CDK5RAP2: variants seen among roughly 807,000 people sequenced by gnomAD.
CDK5RAP2 encodes the protein CDK5 regulatory subunit-associated protein 2.
In CDK5RAP2, 147 loss-of-function variants were observed where a neutral mutation model predicts 232.9. The ratio of observed to expected loss-of-function variants is 0.63; its 90% confidence interval spans 0.55 to 0.72. CDK5RAP2 has a LOEUF of 0.72. Ranked by LOEUF, CDK5RAP2 falls within the 30% of genes least tolerant of loss-of-function variation. The probability of loss-of-function intolerance (pLI) is 0.00; values close to 1 mark genes in which losing one functional copy is unlikely to be tolerated. For missense variants in CDK5RAP2, 2,195 were observed against 2,231.5 expected (o/e 0.98, Z 0.33); for synonymous variants, 833 against 833.7 (o/e 1.00, Z 0.01).
rs112894070 is a variant in CDK5RAP2, at chr9:120,577,046, C to T, written c.59+2874G>A. Among the ~76,000 whole-genome samples, 625 of 152,200 alleles carry T rather than the reference C, an allele frequency of 4.1e-3. 4 individuals carry two copies. The highest frequency in any genetic ancestry group is 0.014 in the African/African-American group (564 of 41,526). On this transcript the variant is annotated intron_variant, in intron 1 of 37. Coordinates refer to ENST00000349780, the MANE Select transcript of CDK5RAP2 (RefSeq NM_018249.6). ...CAAATAGTGTATGATTCTACTTATA[C>T]GCGACACTTAGAGTAGTCAAAATCA...
intron 21 of CDK5RAP2, among the ~76,000 whole-genome samples, chr9:120,452,581 C>A (rs1391994119): frequency 1.3e-5 from 2 of 151,776 alleles, no homozygotes; most frequent in Admixed American, 1.3e-4. Context: ...TATAGGGATT[C>A]TTGGCCGTGG....
Position 120,507,264 on chromosome 9 carries a change from C to T in CDK5RAP2, c.1311+11163G>A, listed in dbSNP as rs577246979. Among the ~76,000 whole-genome samples, 3 of 152,288 alleles carry T rather than the reference C, an allele frequency of 2.0e-5. No individual in the cohort carries two copies. In the East Asian group the frequency reaches 5.8e-4, roughly 29 times the overall value. ...CATAACTTTTATATTCACTGGAAAA[C>T]CAAAAAATTCGTAAGACTCGCTTTA... On this transcript the variant is annotated intron_variant, in intron 12 of 37. Coordinates refer to ENST00000349780, the MANE Select transcript of CDK5RAP2 (RefSeq NM_018249.6).
At chr9:120,546,722 C>A (rs1439117201) in intron 4 of CDK5RAP2, among the ~76,000 whole-genome samples, 2 of 152,006 alleles carry the variant, frequency 1.3e-5, no homozygotes, top group Non-Finnish European at 2.9e-5. Flanking sequence ...AGGCCTCAAA[C>A]TCCTGGGCTC....
chr9:120,550,250 A>G (rs956846961), intron 4 of CDK5RAP2, among the ~76,000 whole-genome samples: 32 of 152,352 alleles, frequency 2.1e-4, no homozygotes, highest in African/African-American at 7.7e-4. Flanking sequence ...GAAGAGTCCT[A>G]TCACAGAAAA....
intron 3 of CDK5RAP2, among the ~76,000 whole-genome samples, chr9:120,551,770 C>A (rs2042049923): frequency 6.6e-6 from 1 of 152,062 alleles, no homozygotes; most frequent in Non-Finnish European, 1.5e-5. Context: ...TATGATGATA[C>A]CCGGGGAAAC....
intron 12 of CDK5RAP2, among the ~76,000 whole-genome samples, chr9:120,510,822 A>G (rs186521146): frequency 4.6e-4 from 70 of 152,350 alleles, no homozygotes; most frequent in Middle Eastern, 3.4e-3. Flanking sequence ...GAGGTATACT[A>G]CAATACAGGG....
At chr9:120,565,173 T>G (rs1049118588) in intron 3 of CDK5RAP2, among the ~76,000 whole-genome samples, 3 of 152,214 alleles carry the variant, frequency 2.0e-5, no homozygotes, top group Non-Finnish European at 4.4e-5. Flanking sequence ...CAAAGCTGAA[T>G]AAGTCCCTAC....
rs1463417940 is a variant in CDK5RAP2 at position 120,497,989 on chromosome 9, C to T, written c.1312-6512G>A. Among the ~76,000 whole-genome samples the T allele has an allele frequency of 2.0e-5, 3 of 152,294 alleles. No individual in the cohort carries two copies. The East Asian group carries it at 5.8e-4, about 29-fold the overall frequency. ...AATCCCTTGTAGCTCTAGGATGTGT[C>T]TAGTCTTGCTGGCTCCTTGCTCTCC... On this transcript the variant is annotated intron_variant, in intron 12 of 37. Transcript: ENST00000349780.
chr9:120,465,148 T>A (rs1197559344), intron 18 of CDK5RAP2, among the ~76,000 whole-genome samples: 5 of 152,196 alleles, frequency 3.3e-5, no homozygotes, highest in African/African-American at 1.2e-4. Context: ...TAATAGTGAC[T>A]AACCCTTTCG....
At chr9:120,465,708 A>G (rs1208877602) in intron 18 of CDK5RAP2, among the ~76,000 whole-genome samples, 1 of 135,284 alleles carries the variant, frequency 7.4e-6, no homozygotes, top group Non-Finnish European at 1.5e-5. Flanking sequence ...ACTCTAAGGA[A>G]AAAAAAAAAA....
chr9:120,503,619 C>A (rs1047234416), intron 12 of CDK5RAP2, among the ~76,000 whole-genome samples: 2 of 152,178 alleles, frequency 1.3e-5, no homozygotes, highest in Admixed American at 1.3e-4. Flanking sequence ...GGCAGTGTGA[C>A]CAGAGATGGA....
At position 120,515,846 on chromosome 9, in the gene CDK5RAP2, G is replaced by A. The variant is rs545514643; in HGVS notation, c.1311+2581C>T. ...ACCACCTCACACCAGTTAGAATGGC[G>A]ATCATTAAAAAGTCAGGAAACAACA... On this transcript the variant is annotated intron_variant, in intron 12 of 37. Transcript: ENST00000349780. Among the ~76,000 whole-genome samples the A allele has an allele frequency of 2.3e-3, 351 of 152,276 alleles. 2 individuals carry two copies. Among genetic ancestry groups the A allele is most frequent in the African/African-American group, 8.0e-3 (331 of 41,548 alleles).
chr9:120,552,766 C>T (rs1203321986), intron 3 of CDK5RAP2, among the ~76,000 whole-genome samples: 1 of 150,724 alleles, frequency 6.6e-6, no homozygotes, highest in Admixed American at 6.6e-5. Context: ...ATGGGTGCAG[C>T]ACAGCAACAT....
chr9:120,408,126 G>A (rs1018022176), intron 31 of CDK5RAP2: 12 of 583,342 alleles, frequency 2.1e-5, no homozygotes, highest in Middle Eastern at 4.8e-4. Flanking sequence ...GTGGGAACCC[G>A]GACCTCGGCT....
chr9:120,407,894 C>T, intron 31 of CDK5RAP2: 1 of 256,034 alleles, frequency 3.9e-6, no homozygotes, highest in Non-Finnish European at 7.8e-6. Flanking sequence ...AATGAGTGGG[C>T]AAAAAGTAAC....
At chr9:120,493,075 T>C (rs2038985789) in intron 12 of CDK5RAP2, among the ~76,000 whole-genome samples, 1 of 152,228 alleles carries the variant, frequency 6.6e-6, no homozygotes. Flanking sequence ...CAGTATCACC[T>C]GCATATATGC....
At chr9:120,489,431 C>T (rs1250052892) in intron 13 of CDK5RAP2, among the ~76,000 whole-genome samples, 1 of 150,106 alleles carries the variant, frequency 6.7e-6, no homozygotes, top group Non-Finnish European at 1.5e-5. Context: ...TTGAAAACTT[C>T]CTTTCCTCTG....
At chr9:120,419,339 G>A (rs959278008) in intron 27 of CDK5RAP2, among the ~76,000 whole-genome samples, 1 of 152,042 alleles carries the variant, frequency 6.6e-6, no homozygotes, top group African/African-American at 2.4e-5. Flanking sequence ...TCACACTAAA[G>A]GAAAACAAAG....
At chr9:120,499,691 A>AT (rs2039485165) in intron 12 of CDK5RAP2, among the ~76,000 whole-genome samples, 1 of 152,218 alleles carries the variant, frequency 6.6e-6, no homozygotes, top group Non-Finnish European at 1.5e-5. Flanking sequence ...AAGGAAAGAA[A>AT]GGGTTTTTTA....
Sources: allele counts gnomAD v4.1 joint callset (sites outside exome capture counted in the v4.1 genomes callset), GRCh38; gene constraint gnomAD v4.1.1; transcripts MANE v1.5; gene names NCBI Gene and HGNC (gene_info 2026-07-23, HGNC 2026-07-21).